The following USP32 variants were observed in gnomAD, a reference collection of about 807,000 sequenced individuals.
The protein encoded by USP32 is ubiquitin carboxyl-terminal hydrolase 32.
In USP32, 59 loss-of-function variants were observed where a neutral mutation model predicts 204.8. That is an observed-to-expected ratio of 0.29 (90% CI 0.23 to 0.36). The LOEUF (loss-of-function observed/expected upper bound fraction) is 0.36, where lower values mean the gene tolerates loss of function less well. USP32 is among the 10% of genes least tolerant of loss of function. The probability of loss-of-function intolerance (pLI) is 1.00; values close to 1 mark genes in which losing one functional copy is unlikely to be tolerated. For missense variants in USP32, 1,160 were observed against 1,946.4 expected (o/e 0.60, Z 7.60); for synonymous variants, 517 against 678.4 (o/e 0.76, Z 3.70).
intron 1 of USP32, among the ~76,000 whole-genome samples, chr17:60,376,217 CG>C (rs1276850317): frequency 6.6e-6 from 1 of 151,498 alleles, no homozygotes; most frequent in African/African-American, 2.4e-5. Context: ...AACTATAATC[CG>C]ATTTTTTATT....
rs530097583 is a variant in USP32 at position 60,348,268 on chromosome 17, T to TA, written c.59-2661dup. On this transcript the variant is annotated intron_variant, in intron 1 of 33. Transcript: ENST00000300896. ...TTGATAGGAGTCATCAGTATAGAGG[T>TA]AGTAATTAAAACCATGAGGAAGAAG... 4.6e-4 allele frequency among the ~76,000 whole-genome samples: 70 copies of TA among 151,924 alleles called. No homozygotes were observed. In the East Asian group the frequency reaches 0.012, roughly 27 times the overall value.
intron 16 of USP32, among the ~76,000 whole-genome samples, chr17:60,217,900 C>A (rs1272885020): frequency 1.3e-5 from 2 of 151,424 alleles, no homozygotes; most frequent in African/African-American, 4.9e-5. Context: ...CTTTGCCCAG[C>A]TAATTTAAAC....
chr17:60,231,517 CAT>C (rs746312766), intron 12 of USP32: 6 of 507,826 alleles, frequency 1.2e-5, no homozygotes, highest in African/African-American at 7.7e-5. Flanking sequence ...CTCAACTACA[CAT>C]GTCTGAGGCA....
chr17:60,204,368 G>A (rs189906970), intron 26 of USP32, among the ~76,000 whole-genome samples: 3,836 of 152,044 alleles, frequency 0.025, 79 homozygotes, highest in South Asian at 0.051. Context: ...CCAGGTTGGA[G>A]TGGAGTGGTT....
intron 2 of USP32, among the ~76,000 whole-genome samples, chr17:60,329,141 T>C (rs929261166): frequency 1.3e-5 from 2 of 152,124 alleles, no homozygotes; most frequent in Non-Finnish European, 2.9e-5. Flanking sequence ...AGTAAATTAA[T>C]ATAACAAAAG....
chr17:60,259,389 C>A (rs1213404701), intron 9 of USP32, among the ~76,000 whole-genome samples: 1 of 151,744 alleles, frequency 6.6e-6, no homozygotes, highest in Admixed American at 6.6e-5. Context: ...TGTAAAAAAA[C>A]AAAAAAATGA....
chr17:60,287,657 A>G (rs1321032626), intron 5 of USP32, among the ~76,000 whole-genome samples: 2 of 152,184 alleles, frequency 1.3e-5, no homozygotes, highest in Non-Finnish European at 2.9e-5. Context: ...AGCTGCTAAA[A>G]CTGAGTAAAT....
chr17:60,402,792 C>T (rs551440812), intron 1 of USP32, among the ~76,000 whole-genome samples: 1 of 152,318 alleles, frequency 6.6e-6, no homozygotes, highest in Admixed American at 6.5e-5. Context: ...TTAGTGTCAG[C>T]TGCAGTGGCC....
At chr17:60,404,008 C>G (rs1054886378) in intron 1 of USP32, among the ~76,000 whole-genome samples, 8 of 150,994 alleles carry the variant, frequency 5.3e-5, no homozygotes, top group African/African-American at 1.7e-4. Context: ...CCACTGCACT[C>G]CAGCCTGGGT....
intron 15 of USP32, among the ~76,000 whole-genome samples, chr17:60,221,881 G>A (rs1453289680): frequency 1.3e-5 from 2 of 152,044 alleles, no homozygotes; most frequent in African/African-American, 2.4e-5. Flanking sequence ...CCAGAGTACC[G>A]AGTGCTGTTT....
intron 14 of USP32, among the ~76,000 whole-genome samples, chr17:60,222,890 C>T (rs1380665988): frequency 6.6e-6 from 1 of 151,896 alleles, no homozygotes; most frequent in African/African-American, 2.4e-5. Flanking sequence ...CCATGTTGGC[C>T]AGGCTGGTCT....
At chr17:60,339,232 A>G (rs2088596665) in intron 2 of USP32, among the ~76,000 whole-genome samples, 1 of 152,088 alleles carries the variant, frequency 6.6e-6, no homozygotes, top group Admixed American at 6.6e-5. Context: ...AAAAATATTA[A>G]GTACACTAAT....
intron 7 of USP32, 67 bp from the exon 8 acceptor site, chr17:60,266,158 G>T (rs1363501057): frequency 7.8e-7 from 1 of 1,283,606 alleles, no homozygotes; most frequent in Non-Finnish European, 1.1e-6. Flanking sequence ...TATTTTACTA[G>T]AAGTTGCCCT....
chr17:60,206,943 C>G (rs2084843778), intron 25 of USP32, 78 bp downstream of exon 25: 3 of 1,534,136 alleles, frequency 2.0e-6, no homozygotes, highest in Admixed American at 2.2e-5. Context: ...TCAGCATGAA[C>G]AAATATAAAA....
intron 31 of USP32, among the ~76,000 whole-genome samples, chr17:60,181,974 C>T (rs2084123494): frequency 6.6e-6 from 1 of 152,082 alleles, no homozygotes; most frequent in Admixed American, 6.5e-5. Flanking sequence ...ATGTAAAGTA[C>T]ATTATAGGGA....
intron 31 of USP32, 47 bp downstream of exon 31, chr17:60,183,118 C>T (rs755886156): frequency 6.5e-7 from 1 of 1,546,850 alleles, no homozygotes; most frequent in Non-Finnish European, 8.7e-7. Context: ...CATATGTAGC[C>T]TACAGGAGTC....
chr17:60,326,737 GCA>G (rs1234136607), intron 2 of USP32, among the ~76,000 whole-genome samples: 15 of 152,246 alleles, frequency 9.9e-5, no homozygotes, highest in African/African-American at 3.1e-4. Flanking sequence ...GAAAATTCAT[GCA>G]CAGAGTATAA....
chr17:60,293,725 A>G (rs940369455), intron 4 of USP32, among the ~76,000 whole-genome samples: 3 of 152,240 alleles, frequency 2.0e-5, no homozygotes, highest in Non-Finnish European at 2.9e-5. Flanking sequence ...GCAAAGGCTG[A>G]AATATGGACA....
chr17:60,339,786 T>C (rs1362101690), intron 2 of USP32, among the ~76,000 whole-genome samples: 1 of 152,114 alleles, frequency 6.6e-6, no homozygotes, highest in Non-Finnish European at 1.5e-5. Context: ...TGCTTCCTTA[T>C]ATAATATATT....
Sources: gnomAD v4.1 joint callset for allele counts (sites outside exome capture counted in the v4.1 genomes callset) on GRCh38, gnomAD v4.1.1 for gene constraint, MANE v1.5 for transcripts, NCBI Gene and HGNC (gene_info 2026-07-23, HGNC 2026-07-21) for gene names.